The following SCN11A variants were observed in gnomAD, a reference collection of about 807,000 sequenced individuals.
SCN11A encodes sodium voltage-gated channel alpha subunit 11, also known as sodium channel protein type 11 subunit alpha.
In SCN11A, 122 loss-of-function variants were observed where a neutral mutation model predicts 162.2. The ratio of observed to expected loss-of-function variants is 0.75; its 90% CI spans 0.65 to 0.87. The LOEUF is 0.87. Ranked by LOEUF, SCN11A falls within the 40% of genes least tolerant of loss-of-function variation. SCN11A has a pLI of 0.00. For synonymous variants in SCN11A, 758 were observed against 751.5 expected, an observed-to-expected ratio of 1.01 and a Z score of -0.14; for missense variants, 2,015 against 2,181.6, an observed-to-expected ratio of 0.92 and a Z score of 1.52.
At chr3:38,946,363 GA>G (rs1162981286) in intron 6 of SCN11A, among the ~76,000 whole-genome samples, 1 of 152,184 alleles carries the variant, frequency 6.6e-6, no homozygotes, top group East Asian at 1.9e-4. Flanking sequence ...ATTCATGTTA[GA>G]AAGTGTTTTT....
At chr3:38,912,886 G>A (rs1016064902) in intron 11 of SCN11A, among the ~76,000 whole-genome samples, 4 of 152,124 alleles carry the variant, frequency 2.6e-5, no homozygotes, top group Non-Finnish European at 5.9e-5. Flanking sequence ...TCACTGATAG[G>A]CATTCAGGTT....
chr3:39,016,303 T>C (rs918269049), intron 2 of SCN11A, among the ~76,000 whole-genome samples: 5 of 152,208 alleles, frequency 3.3e-5, no homozygotes, highest in Admixed American at 2.6e-4. Context: ...TGGGGTAAGA[T>C]GGCTTTAGTT....
chr3:38,928,341 G>A (rs1197941516), intron 7 of SCN11A, among the ~76,000 whole-genome samples: 2 of 152,174 alleles, frequency 1.3e-5, no homozygotes, highest in Non-Finnish European at 2.9e-5. Flanking sequence ...ATGGACACAG[G>A]GAGGGGAACA....
chr3:38,935,923 G>T (rs1377012741), intron 7 of SCN11A, among the ~76,000 whole-genome samples: 1 of 152,160 alleles, frequency 6.6e-6, no homozygotes, highest in African/African-American at 2.4e-5. Context: ...CCAAAAAAGA[G>T]AATTTTAGAC....
chr3:38,847,902 A>AGGTAT (rs1430582087), intron 29 of SCN11A, among the ~76,000 whole-genome samples, 160 bp from the exon 30 acceptor site: 5 of 152,180 alleles, frequency 3.3e-5, no homozygotes, highest in Admixed American at 3.3e-4. Context: ...CAGGGAAAAT[A>AGGTAT]CCTATCTGTG....
intron 2 of SCN11A, among the ~76,000 whole-genome samples, chr3:38,987,690 T>C (rs2030306753): frequency 2.6e-5 from 4 of 152,110 alleles, no homozygotes; most frequent in Admixed American, 2.6e-4. Flanking sequence ...TTGATCAAAT[T>C]TGATGAATCT....
chr3:39,017,268 G>A (rs998219792), intron 2 of SCN11A, among the ~76,000 whole-genome samples: 1 of 152,166 alleles, frequency 6.6e-6, no homozygotes, highest in Admixed American at 6.5e-5. Context: ...CTTGCTCTTG[G>A]ACTTTTCAGT....
At position 38,986,583 on chromosome 3, in the gene SCN11A, T is replaced by C. The variant is rs545515490; in HGVS notation, c.-279-26160A>G. On this transcript the variant is annotated intron_variant, in intron 2 of 29. Transcript: ENST00000302328. ...AATCAATCCAGGCTGCTAATCAGGT[T>C]TAAGATGCAAGTATCTCTCCCTCCC... 1.4e-4 allele frequency among the ~76,000 whole-genome samples: 22 copies of C among 152,232 alleles called. No homozygotes were observed. The South Asian group carries it at 4.6e-3, about 32-fold the overall frequency.
intron 17 of SCN11A, 109 bp from the exon 18 acceptor site, chr3:38,897,334 A>C: frequency 1.8e-6 from 2 of 1,089,368 alleles, no homozygotes; most frequent in South Asian, 1.7e-5. Flanking sequence ...GACATCCAAA[A>C]CTCTCTTCAA....
rs949521026 is a variant in SCN11A at position 38,950,920 on chromosome 3, G to A, written c.-7-551C>T. On this transcript the variant is annotated intron_variant, in intron 4 of 29. Coordinates refer to ENST00000302328, the MANE Select transcript of SCN11A (RefSeq NM_001349253.2). ...AGAGCCATAAACATAGGCATGAACT[G>A]CGACCCCCATGCCGGCTCTCTCACT... 5.3e-5 allele frequency among the ~76,000 whole-genome samples: 8 copies of A among 152,260 alleles called. No homozygotes were observed. In the South Asian group the frequency reaches 1.4e-3, roughly 28 times the overall value.
At chr3:38,875,061 A>T (rs192836953) in intron 23 of SCN11A, among the ~76,000 whole-genome samples, 2 of 152,288 alleles carry the variant, frequency 1.3e-5, no homozygotes, top group Non-Finnish European at 2.9e-5. Flanking sequence ...TGCAACATCT[A>T]CCATATTATA....
intron 7 of SCN11A, among the ~76,000 whole-genome samples, chr3:38,928,911 T>G (rs1470497949): frequency 6.6e-6 from 1 of 152,170 alleles, no homozygotes; most frequent in Admixed American, 6.5e-5. Context: ...ACCTGCTATA[T>G]GATCCAGCAA....
Position 38,870,695 on chromosome 3 carries a change from G to A in SCN11A, c.3809C>T (p.Thr1270Ile). 1 of 1,613,180 alleles carries A rather than the reference G, an allele frequency of 6.2e-7. No individual in the cohort carries two copies. Among genetic ancestry groups the A allele is most frequent in the Non-Finnish European group, 8.5e-7 (1 of 1,179,248 alleles). ...CATGGTAGAACACTGACTCACCTCT[G>A]TGGAATCAACAGCTGCATATATAAT... ...MDIIYAAVDS[T>I]EKEQQPEFES... Residue 1270 changes from threonine (T) to isoleucine (I), a missense_variant, in exon 26 of 30, where the codon ACA (threonine) becomes ATA (isoleucine). Thr to Ile is a moderately conservative substitution (Grantham distance 89). Coordinates refer to ENST00000302328, the MANE Select transcript of SCN11A (RefSeq NM_001349253.2).
chr3:38,930,573 T>C (rs766321179), intron 7 of SCN11A, among the ~76,000 whole-genome samples: 1 of 152,220 alleles, frequency 6.6e-6, no homozygotes, highest in Non-Finnish European at 1.5e-5. Flanking sequence ...CAAGTCTTCA[T>C]ACAGATCTTA....
intron 2 of SCN11A, among the ~76,000 whole-genome samples, chr3:38,963,959 T>C (rs1207724170): frequency 7.9e-5 from 12 of 152,234 alleles, no homozygotes; most frequent in South Asian, 2.1e-4. Flanking sequence ...TCAAAGAATC[T>C]TTCTAGCTTC....
intron 27 of SCN11A, among the ~76,000 whole-genome samples, 177 bp downstream of exon 27, chr3:38,867,144 C>A (rs551953412): frequency 3.7e-4 from 57 of 152,198 alleles, no homozygotes; most frequent in Non-Finnish European, 6.9e-4. Context: ...TGTTTTCAGT[C>A]TTCTTTCAGC....
At position 38,897,140 on chromosome 3, in the gene SCN11A, C is replaced by T; in HGVS notation, c.2108G>A (p.Ser703Asn). The change falls in exon 18 of 30, where the codon AGC becomes AAC. Residue 703 changes from serine to asparagine, a missense_variant. Coordinates refer to ENST00000302328, the MANE Select transcript of SCN11A (RefSeq NM_001349253.2). ...CACAATGACCAGGACCACAGTCAGG[C>T]TTCCAAGGGCTCCGACAGAGTTGCC... ...IIGNSVGALGSLTVVLVIVIF... is the reference protein window; with the variant it reads ...IIGNSVGALGNLTVVLVIVIF... 6.2e-7 allele frequency: 1 copy of T among 1,614,148 alleles called. No individual in the cohort carries two copies. Among genetic ancestry groups the T allele is most frequent in the Non-Finnish European group, 8.5e-7 (1 of 1,180,010 alleles).
chr3:38,910,129 G>C lies in SCN11A; in HGVS notation c.1038C>G (p.Gly346=), dbSNP rs1037029506. The change falls in exon 12 of 30, where the codon GGC becomes GGG. Residue 346 remains glycine, a synonymous_variant. Transcript: ENST00000302328. Reference sequence around the variant, plus strand: ...GCCGGAACATGGCAAGAAAAGACCAGCCAAAGTTGTCAAAATTCGTATAAT... The same window carrying C: ...GCCGGAACATGGCAAGAAAAGACCACCCAAAGTTGTCAAAATTCGTATAAT... ...DYNYTNFDNF[G]WSFLAMFRLM... 1 of 1,613,864 alleles carries C rather than the reference G, an allele frequency of 6.2e-7. No homozygotes were observed. The highest frequency in any genetic ancestry group is 2.2e-5 in the East Asian group (1 of 44,858).
chr3:39,011,028 G>T (rs1310482801), intron 2 of SCN11A, among the ~76,000 whole-genome samples: 2 of 152,080 alleles, frequency 1.3e-5, no homozygotes, highest in Admixed American at 1.3e-4. Context: ...CCAAACCTAG[G>T]GTCTGCTTGT....
Sources: gnomAD v4.1 joint callset for allele counts (sites outside exome capture counted in the v4.1 genomes callset) on GRCh38, gnomAD v4.1.1 for gene constraint, MANE v1.5 for transcripts, NCBI Gene and HGNC (gene_info 2026-07-23, HGNC 2026-07-21) for gene names.